The following RELN variants were observed in gnomAD, a reference collection of about 807,000 sequenced individuals.
RELN encodes reelin.
RELN carries 108 observed loss-of-function variants against 427.6 expected under a neutral mutation model. The ratio of observed to expected loss-of-function variants is 0.25; its 90% CI spans 0.22 to 0.30. The LOEUF (loss-of-function observed/expected upper bound fraction) is 0.30. Ranked by LOEUF, RELN falls within the 10% of genes least tolerant of loss-of-function variation. The pLI is 1.00. For missense variants in RELN, 3,715 were observed against 4,302.8 expected (o/e 0.86, Z 3.82); for synonymous variants, 1,524 against 1,513.4 (o/e 1.01, Z -0.16).
At chr7:103,851,672 C>T (rs1203932697) in intron 2 of RELN, among the ~76,000 whole-genome samples, 1 of 152,210 alleles carries the variant, frequency 6.6e-6, no homozygotes, top group Non-Finnish European at 1.5e-5. Flanking sequence ...TTTTCTGCCA[C>T]TCTTCAGTCA....
chr7:103,740,528 T>G (rs1270905800), intron 6 of RELN, among the ~76,000 whole-genome samples: 1 of 152,244 alleles, frequency 6.6e-6, no homozygotes, highest in Non-Finnish European at 1.5e-5. Flanking sequence ...TAAAAAACAT[T>G]TCTTATTTCT....
In RELN at chr7:103,953,056, C is replaced by T. The variant is rs1206981430; in HGVS notation, c.227-35871G>A. On this transcript the variant is annotated intron_variant, in intron 1 of 64. Coordinates refer to ENST00000428762, the MANE Select transcript of RELN (RefSeq NM_005045.4). The surrounding 1 kb of genome is among the most constrained non-coding windows in gnomAD (Gnocchi z 4.3). ...CAATGTGCCTTATGATGGTGACTAGCCACCAACGTCTGGTTTCTACCGTTC... is the reference window on the plus strand; with the variant it reads ...CAATGTGCCTTATGATGGTGACTAGTCACCAACGTCTGGTTTCTACCGTTC... Among the ~76,000 whole-genome samples, 4 of 152,124 alleles carry T rather than the reference C, an allele frequency of 2.6e-5. No individual in the cohort carries two copies. Among genetic ancestry groups the T allele is most frequent in the Non-Finnish European group, 5.9e-5 (4 of 68,020 alleles).
chr7:103,580,049 T>C (rs1831094756), intron 28 of RELN, among the ~76,000 whole-genome samples: 1 of 152,192 alleles, frequency 6.6e-6, no homozygotes, highest in African/African-American at 2.4e-5. Flanking sequence ...GTGTTTTCTG[T>C]AGGCAAGAGC....
At chr7:103,723,844 A>G (rs1173389438) in intron 7 of RELN, among the ~76,000 whole-genome samples, 1 of 152,214 alleles carries the variant, frequency 6.6e-6, no homozygotes, top group Non-Finnish European at 1.5e-5. Flanking sequence ...AAGAAAAGAA[A>G]TAGAATTATG....
intron 18 of RELN, 77 bp from the exon 19 acceptor site, chr7:103,635,663 T>C: frequency 1.5e-6 from 2 of 1,296,820 alleles, no homozygotes; most frequent in Non-Finnish European, 1.1e-6. Flanking sequence ...TTTAAAGAAT[T>C]TCAAATTATG....
intron 36 of RELN, 54 bp from the exon 37 acceptor site, chr7:103,558,103 T>C: frequency 2.3e-6 from 2 of 856,296 alleles, no homozygotes; most frequent in Non-Finnish European, 4.0e-6. Flanking sequence ...CAAAATTGTA[T>C]CCCTTTGATT....
chr7:103,486,402 CAG>C lies in RELN; in HGVS notation c.9776_9777del (p.Ser3259CysfsTer11), dbSNP rs1828441640. On this transcript the variant is annotated frameshift_variant, in exon 61 of 65. Transcript: ENST00000428762. LOFTEE classifies it high-confidence loss of function. ...CDESFQGDDC[S>X]VFSHDLPSYI... ...TAACTGGGAAGGTCGTGACTGAAAA[CAG>C]AGCAGTCATCACCTAGAGGACAAGG... 1 of 1,613,796 alleles carries C rather than the reference CAG, an allele frequency of 6.2e-7. No homozygotes were observed.
At chr7:103,588,166 C>A (rs1019284330) in intron 28 of RELN, among the ~76,000 whole-genome samples, 6 of 151,996 alleles carry the variant, frequency 3.9e-5, no homozygotes, top group Non-Finnish European at 7.4e-5. Context: ...CATGGATATA[C>A]ACAATGAAAT....
At chr7:103,979,052 A>G (rs1329511011) in intron 1 of RELN, among the ~76,000 whole-genome samples, 3 of 152,188 alleles carry the variant, frequency 2.0e-5, no homozygotes, top group Non-Finnish European at 2.9e-5. Context: ...TGTTTGTATA[A>G]AGGCTCCTTT....
intron 1 of RELN, among the ~76,000 whole-genome samples, chr7:103,949,034 A>C (rs887831143): frequency 6.6e-6 from 1 of 151,180 alleles, no homozygotes; most frequent in Non-Finnish European, 1.5e-5. Flanking sequence ...AAAAAAAAAA[A>C]AAAAAAAAAA....
At chr7:103,794,716 T>A (rs1400437723) in intron 3 of RELN, among the ~76,000 whole-genome samples, 3 of 152,172 alleles carry the variant, frequency 2.0e-5, no homozygotes, top group Non-Finnish European at 4.4e-5. Flanking sequence ...ACTGGACATT[T>A]ATTTAAATTG....
At chr7:103,878,386 T>A (rs1040733774) in intron 2 of RELN, among the ~76,000 whole-genome samples, 3 of 152,182 alleles carry the variant, frequency 2.0e-5, no homozygotes, top group African/African-American at 7.2e-5. Flanking sequence ...CTTACCAAAT[T>A]GTGGGATATT....
chr7:103,928,378 T>C (rs536884225), intron 1 of RELN, among the ~76,000 whole-genome samples: 10 of 152,232 alleles, frequency 6.6e-5, no homozygotes, highest in African/African-American at 2.4e-4. Flanking sequence ...CTGAGAAGCT[T>C]TTTAAAATTC....
intron 27 of RELN, among the ~76,000 whole-genome samples, chr7:103,591,505 T>C (rs1403649625): frequency 6.6e-6 from 1 of 152,210 alleles, no homozygotes; most frequent in Non-Finnish European, 1.5e-5. Context: ...GAAATTTTAT[T>C]GTGCACAATT....
At position 103,962,727 on chromosome 7, in the gene RELN, A is replaced by G. The variant is rs568534344; in HGVS notation, c.226+26404T>C. Among the ~76,000 whole-genome samples, 16 of 152,256 alleles carry G rather than the reference A, an allele frequency of 1.1e-4. 1 individual carries two copies. The highest frequency in any genetic ancestry group is 3.4e-3 in the Middle Eastern group (1 of 294). On this transcript the variant is annotated intron_variant, in intron 1 of 64. Transcript: ENST00000428762. Reference sequence around the variant, plus strand: ...ATGAATTCAGGAGTCTGCCATTACCAAAACATAGCATGACAAGAAAGAATT... The same window carrying G: ...ATGAATTCAGGAGTCTGCCATTACCGAAACATAGCATGACAAGAAAGAATT...
intron 58 of RELN, among the ~76,000 whole-genome samples, chr7:103,491,577 C>G (rs1448002623): frequency 6.6e-6 from 1 of 151,984 alleles, no homozygotes; most frequent in Non-Finnish European, 1.5e-5. Flanking sequence ...GCCTGTAATT[C>G]CCAGCACTTT....
chr7:103,617,882 C>T (rs1832120963), intron 20 of RELN, among the ~76,000 whole-genome samples: 1 of 152,062 alleles, frequency 6.6e-6, no homozygotes, highest in South Asian at 2.1e-4. Flanking sequence ...TCCCTGAGAG[C>T]TGGTTCTTAG....
chr7:103,836,056 G>A (rs1330184059), intron 2 of RELN, among the ~76,000 whole-genome samples: 2 of 151,542 alleles, frequency 1.3e-5, no homozygotes, highest in African/African-American at 4.9e-5. Flanking sequence ...TCCACCGCTT[G>A]GGTTCAAGTG....
At chr7:103,544,529 GA>G (rs1187153182) in intron 42 of RELN, among the ~76,000 whole-genome samples, 2 of 152,108 alleles carry the variant, frequency 1.3e-5, no homozygotes, top group African/African-American at 4.8e-5. Flanking sequence ...CAGGCCGAAA[GA>G]AAATCTTTTA....
Sources: gnomAD v4.1 joint callset for allele counts (sites outside exome capture counted in the v4.1 genomes callset) on GRCh38, gnomAD v4.1.1 for gene constraint, Gnocchi (gnomAD v3.1) non-coding constraint, MANE v1.5 for transcripts, NCBI Gene and HGNC (gene_info 2026-07-23, HGNC 2026-07-21) for gene names.